PIK3CB: variants seen among roughly 807,000 people sequenced by gnomAD.
PIK3CB encodes phosphatidylinositol-4,5-bisphosphate 3-kinase catalytic subunit beta.
In PIK3CB, 39 loss-of-function variants were observed where a neutral mutation model predicts 136.8. The ratio of observed to expected loss-of-function variants is 0.29; its 90% CI spans 0.22 to 0.37. The LOEUF is 0.37. Ranked by LOEUF, PIK3CB falls within the 10% of genes least tolerant of loss-of-function variation. PIK3CB has a pLI of 1.00. For synonymous variants in PIK3CB, 428 were observed against 436.6 expected, an observed-to-expected ratio of 0.98 and a Z score of 0.25; for missense variants, 868 against 1,275.4, an observed-to-expected ratio of 0.68 and a Z score of 4.87.
intron 13 of PIK3CB, among the ~76,000 whole-genome samples, chr3:138,696,593 A>G (rs984065003): frequency 6.6e-6 from 1 of 152,194 alleles, no homozygotes; most frequent in Non-Finnish European, 1.5e-5. Flanking sequence ...ACGTACATGA[A>G]AAGATGTACC....
rs144658394 is a variant in PIK3CB, at chr3:138,737,796, C to T, written c.712G>A (p.Glu238Lys). 1.4e-5 allele frequency: 23 copies of T among 1,612,194 alleles called. No individual in the cohort carries two copies. Among genetic ancestry groups the T allele is most frequent in the Non-Finnish European group, 1.9e-5 (22 of 1,178,806 alleles). ...IQKRLTIHGKEDEVSPYDYVL... is the reference protein window; with the variant it reads ...IQKRLTIHGKKDEVSPYDYVL... ...TAATCATAGGGGCTAACTTCATCTT[C>T]CTTCCCATGAATAGTCAAACGTTTT... The change falls in exon 6 of 24, where the codon GAA becomes AAA. Residue 238 changes from glutamate (E) to lysine (K), a missense_variant. By Grantham distance (56) the Glu-to-Lys change is moderately conservative (BLOSUM62 1). Around this residue, in one of 4 missense-constraint regions of PIK3CB, gnomAD observed 612 missense variants for 801.1 expected, o/e 0.76. Transcript: ENST00000674063.
intron 11 of PIK3CB, among the ~76,000 whole-genome samples, chr3:138,706,481 G>A (rs1200360442): frequency 6.6e-6 from 1 of 152,166 alleles, no homozygotes; most frequent in Admixed American, 6.5e-5. Flanking sequence ...ATTGTTCTTT[G>A]AGTATCAATT....
intron 1 of PIK3CB, among the ~76,000 whole-genome samples, chr3:138,827,619 C>T (rs367725956): frequency 1.3e-5 from 2 of 151,868 alleles, no homozygotes; most frequent in East Asian, 1.9e-4. Context: ...TTCGAGGTTA[C>T]GGTGAGCTAC....
chr3:138,676,950 T>C (rs2043658712), intron 19 of PIK3CB, among the ~76,000 whole-genome samples: 1 of 152,136 alleles, frequency 6.6e-6, no homozygotes, highest in South Asian at 2.1e-4. Context: ...AAAATGCATA[T>C]AACCACTGAA....
intron 10 of PIK3CB, among the ~76,000 whole-genome samples, chr3:138,709,748 T>G (rs990116137): frequency 6.6e-6 from 1 of 152,076 alleles, no homozygotes; most frequent in Non-Finnish European, 1.5e-5. Flanking sequence ...AAATTGTAAT[T>G]TTTACTAAAA....
At chr3:138,659,955 A>G (rs1486452162) in intron 21 of PIK3CB, among the ~76,000 whole-genome samples, 1 of 138,186 alleles carries the variant, frequency 7.2e-6, no homozygotes, top group African/African-American at 2.7e-5. Context: ...AGCTTACTGC[A>G]AGCTCCACCT....
At chr3:138,655,549 T>C (rs1462805151) in intron 23 of PIK3CB, 23 bp from the exon 24 acceptor site, 7 of 1,585,922 alleles carry the variant, frequency 4.4e-6, no homozygotes, top group Non-Finnish European at 6.1e-6. Flanking sequence ...GGGGAAAATA[T>C]GATTTTATAT....
At chr3:138,753,643 C>A (rs149942709) in intron 4 of PIK3CB, among the ~76,000 whole-genome samples, 286 of 152,000 alleles carry the variant, frequency 1.9e-3, no homozygotes, top group Non-Finnish European at 2.2e-3. Context: ...CCAGCCTGGG[C>A]AACATGCTAA....
chr3:138,704,173 T>C (rs2044315333), intron 12 of PIK3CB, among the ~76,000 whole-genome samples: 2 of 152,210 alleles, frequency 1.3e-5, no homozygotes, highest in Non-Finnish European at 2.9e-5. Context: ...TATGACAGCA[T>C]TGTTAATCTA....
At chr3:138,793,732 G>A (rs1323789175) in intron 2 of PIK3CB, among the ~76,000 whole-genome samples, 1 of 150,498 alleles carries the variant, frequency 6.6e-6, no homozygotes, top group Non-Finnish European at 1.5e-5. Context: ...TGAGATTAAA[G>A]AAGTTGACCA....
At chr3:138,753,656 T>C (rs2045513347) in intron 4 of PIK3CB, among the ~76,000 whole-genome samples, 1 of 150,492 alleles carries the variant, frequency 6.6e-6, no homozygotes, top group Non-Finnish European at 1.5e-5. Flanking sequence ...CATGCTAAAA[T>C]CTACATGGGC....
intron 5 of PIK3CB, among the ~76,000 whole-genome samples, chr3:138,738,819 T>C (rs889896267): frequency 1.5e-4 from 23 of 152,194 alleles, no homozygotes; most frequent in African/African-American, 5.5e-4. Flanking sequence ...AACTAACTTA[T>C]TGCTATTCTC....
intron 8 of PIK3CB, among the ~76,000 whole-genome samples, chr3:138,718,378 C>A (rs2044655954): frequency 6.6e-6 from 1 of 151,538 alleles, no homozygotes; most frequent in East Asian, 1.9e-4. Context: ...TGTTTTTTTT[C>A]TTATAAATTT....
chr3:138,794,430 A>G (rs887024139), intron 2 of PIK3CB, among the ~76,000 whole-genome samples: 2 of 152,194 alleles, frequency 1.3e-5, no homozygotes, highest in Non-Finnish European at 2.9e-5. Flanking sequence ...ATGATTGCTG[A>G]GCAATAGTAA....
At chr3:138,708,030 C>T (rs1020866542) in intron 10 of PIK3CB, among the ~76,000 whole-genome samples, 1 of 152,100 alleles carries the variant, frequency 6.6e-6, no homozygotes, top group Non-Finnish European at 1.5e-5. Context: ...CTAAGATCCT[C>T]TCTCTCCAAA....
Position 138,702,014 on chromosome 3 carries a change from T to C in PIK3CB, c.1581+2429A>G, listed in dbSNP as rs149599096. On this transcript the variant is annotated intron_variant, in intron 12 of 23. Coordinates refer to ENST00000674063, the MANE Select transcript of PIK3CB (RefSeq NM_006219.3). The stretch of plus-strand genomic sequence containing the variant: ...GAGATATTTACATATAAAGTTAGGA[T>C]TGATAGCTACAAATTAAACTGTTTA... Among the ~76,000 whole-genome samples the C allele has an allele frequency of 2.8e-3, 419 of 151,324 alleles. 4 individuals are homozygous for C. Among genetic ancestry groups the C allele is most frequent in the African/African-American group, 9.6e-3 (398 of 41,344 alleles).
At chr3:138,703,584 GTAGA>G (rs1016701630) in intron 12 of PIK3CB, among the ~76,000 whole-genome samples, 36 of 142,756 alleles carry the variant, frequency 2.5e-4, no homozygotes, top group Admixed American at 1.8e-3. Context: ...ATATAGATAT[GTAGA>G]TATAGATATA....
intron 21 of PIK3CB, among the ~76,000 whole-genome samples, chr3:138,663,664 G>A (rs1478068987): frequency 7.9e-5 from 12 of 152,140 alleles, no homozygotes; most frequent in Admixed American, 5.2e-4. Flanking sequence ...TTACAGGCGT[G>A]AGCCACCACA....
intron 9 of PIK3CB, among the ~76,000 whole-genome samples, chr3:138,713,358 G>A (rs1295330062): frequency 6.6e-6 from 1 of 151,102 alleles, no homozygotes; most frequent in Non-Finnish European, 1.5e-5. Flanking sequence ...CAGAGGAGAT[G>A]CTTATATTCC....
Sources: gnomAD v4.1 joint callset for allele counts (sites outside exome capture counted in the v4.1 genomes callset) on GRCh38, gnomAD v4.1.1 for gene constraint, gnomAD v4.1.1 regional missense constraint, MANE v1.5 for transcripts, NCBI Gene and HGNC (gene_info 2026-07-23, HGNC 2026-07-21) for gene names.